The following SYNPO variants were observed in gnomAD, a reference collection of about 807,000 sequenced individuals.
SYNPO encodes the protein synaptopodin.
A neutral mutation model predicts 49.5 loss-of-function variants in SYNPO; 19 were observed. The ratio of observed to expected loss-of-function variants is 0.38; its 90% confidence interval spans 0.27 to 0.56. The LOEUF is 0.56. SYNPO is among the 20% of genes least tolerant of loss of function. The probability of loss-of-function intolerance (pLI) is 0.68; values close to 1 mark genes in which losing one functional copy is unlikely to be tolerated. For missense variants in SYNPO, 1,131 were observed against 1,248.3 expected (o/e 0.91, Z 1.42); for synonymous variants, 536 against 548.0 (o/e 0.98, Z 0.31).
chr5:150,631,140 C>A (rs1757522516), intron 2 of SYNPO, among the ~76,000 whole-genome samples: 2 of 152,214 alleles, frequency 1.3e-5, no homozygotes, highest in African/African-American at 4.8e-5. Context: ...TGCATTTGCT[C>A]TTTTACTTAG....
upstream of SYNPO, chr5:150,640,058 A>C (rs916936570): frequency 2.4e-6 from 2 of 841,892 alleles, no homozygotes; most frequent in African/African-American, 3.7e-5. Context: ...TCTAATATGG[A>C]GATGAGGATA....
chr5:150,606,145 C>T (rs556326217), intron 1 of SYNPO, among the ~76,000 whole-genome samples: 247 of 152,288 alleles, frequency 1.6e-3, no homozygotes, highest in African/African-American at 5.5e-3. Flanking sequence ...CACATACAAA[C>T]ATACACAATG....
the SYNPO span, among the ~76,000 whole-genome samples, chr5:150,589,535 C>T: frequency 6.6e-5 from 10 of 152,230 alleles, no homozygotes; most frequent in African/African-American, 2.4e-4. Flanking sequence ...CATATCCTCA[C>T]GCATTCACCT....
chr5:150,598,978 C>T (rs767547240), upstream of SYNPO, among the ~76,000 whole-genome samples: 11 of 152,148 alleles, frequency 7.2e-5, no homozygotes, highest in South Asian at 2.1e-4. Context: ...GACCTGCTGT[C>T]GGTTTATTGC....
Position 150,657,432 on chromosome 5 carries a change from T to TCTCACA in SYNPO, c.*346_*347insTCACAC, listed in dbSNP as rs1298503590. On this transcript the variant is annotated 3_prime_UTR_variant, in exon 3 of 3. Coordinates refer to ENST00000307662, the MANE Select transcript of SYNPO (RefSeq NM_007286.6). ...CTCTCTCTTTCTCTCTCTCTCTCTC[T>TCTCACA]CACACACACACACACACACACACAC... is the stretch of plus-strand genomic sequence containing the variant. The TCTCACA allele has an allele frequency of 2.4e-4, 34 of 139,744 alleles. No homozygotes were observed. The highest frequency in any genetic ancestry group is 3.3e-4 in the Non-Finnish European group (22 of 66,578). 8.7% of individuals were successfully genotyped at this position (139,744 alleles called of 1,614,324 possible).
At chr5:150,591,517 A>G in the SYNPO span, among the ~76,000 whole-genome samples, 3 of 152,236 alleles carry the variant, frequency 2.0e-5, no homozygotes, top group African/African-American at 7.2e-5. Context: ...GCCGTCTCAG[A>G]TAGCCCCAAG....
chr5:150,603,906 A>G (rs144732324), intron 1 of SYNPO, among the ~76,000 whole-genome samples: 1,639 of 152,288 alleles, frequency 0.011, 27 homozygotes, highest in African/African-American at 0.037. Flanking sequence ...TATTTCCAGG[A>G]GACTCTTGTT....
Position 150,656,881 on chromosome 5 carries a change from A to G in SYNPO, c.2506A>G (p.Thr836Ala). 2 of 1,575,444 alleles carry G rather than the reference A, an allele frequency of 1.3e-6. No homozygotes were observed. The highest frequency in any genetic ancestry group is 8.6e-7 in the Non-Finnish European group (1 of 1,162,500). ...SPLPAGPSSC[T>A]SPRSPLPAPP... is the part of the protein sequence containing the mutation. ...GTTGCCCGCCGGTCCTTCGTCCTGC[A>G]CCAGTCCCCGGAGCCCGCTGCCCGC... Residue 836 changes from threonine (T) to alanine (A), a missense_variant, in exon 3 of 3, where the codon ACC (threonine) becomes GCC (alanine). By Grantham distance (58) the Thr-to-Ala change is moderately conservative. This residue lies in a region of SYNPO where 509 missense variants were observed against 484.5 expected (regional missense o/e 1.05). Coordinates refer to ENST00000307662, the MANE Select transcript of SYNPO (RefSeq NM_007286.6).
intron 2 of SYNPO, among the ~76,000 whole-genome samples, chr5:150,627,995 TAGTC>T (rs1205902651): frequency 6.6e-6 from 1 of 150,992 alleles, no homozygotes; most frequent in Non-Finnish European, 1.5e-5. Flanking sequence ...TCTGCTAAGT[TAGTC>T]GTGTGTGTGT....
chr5:150,651,757 ATG>A (rs1388948995), intron 2 of SYNPO: 2 of 1,000,442 alleles, frequency 2.0e-6, no homozygotes, highest in Non-Finnish European at 2.4e-6. Flanking sequence ...GACCAACTGC[ATG>A]TGTGTCTGTA....
rs957243781 is a variant in SYNPO at position 150,610,489 on chromosome 5, C to T, written c.-265-7614C>T. 2.0e-5 allele frequency among the ~76,000 whole-genome samples: 3 copies of T among 152,182 alleles called. No homozygotes were observed. The East Asian group carries it at 5.8e-4, about 29-fold the overall frequency. On this transcript the variant is annotated intron_variant, in intron 1 of 2. Coordinates refer to the SYNPO transcript ENST00000394243. Reference sequence around the variant, plus strand: ...CCTCAATCTGTTAACTGAGGGATAACAGTAGGTGCCTGCCTCATAATGTTA... The same window carrying T: ...CCTCAATCTGTTAACTGAGGGATAATAGTAGGTGCCTGCCTCATAATGTTA...
In SYNPO at chr5:150,649,000, C is replaced by T; in HGVS notation, c.725C>T (p.Pro242Leu). The change falls in exon 2 of 3, where the codon CCT (proline) becomes CTT (leucine). Residue 242 changes from proline to leucine, a missense_variant. Pro to Leu is a moderately conservative substitution (Grantham distance 98, BLOSUM62 -3). Around this residue, in one of 4 missense-constraint regions of SYNPO, gnomAD observed 602 missense variants for 720.7 expected, o/e 0.84. Coordinates refer to ENST00000307662, the MANE Select transcript of SYNPO (RefSeq NM_007286.6). The surrounding 1 kb of genome is among the most constrained non-coding windows in gnomAD (Gnocchi z 5.0). ...PPSVVNRTAR[P>L]FGIQAPGGTS... is the part of the protein sequence containing the mutation. ...TCAGTGGTCAACAGGACGGCCAGGC[C>T]TTTTGGGATCCAGGCGCCAGGGGGC... is the stretch of plus-strand genomic sequence containing the variant. 6.2e-7 allele frequency: 1 copy of T among 1,614,252 alleles called. No homozygotes were observed. Among genetic ancestry groups the T allele is most frequent in the Non-Finnish European group, 8.5e-7 (1 of 1,180,032 alleles).
chr5:150,655,716 G>A (rs938699406), intron 2 of SYNPO, among the ~76,000 whole-genome samples: 2 of 152,162 alleles, frequency 1.3e-5, no homozygotes, highest in African/African-American at 4.8e-5. Context: ...GCGGTGGCAC[G>A]ATGTCGGCTC....
At position 150,618,431 on chromosome 5, in the gene SYNPO, G is replaced by A. The variant is rs868149372; in HGVS notation, c.64G>A (p.Ala22Thr). 3.6e-5 allele frequency: 56 copies of A among 1,551,478 alleles called. No homozygotes were observed. The Middle Eastern group carries it at 1.8e-3, about 51-fold the overall frequency. Residue 22 changes from alanine (A) to threonine (T), a missense_variant, in exon 2 of 3, where the codon GCC becomes ACC. Physicochemically the swap from Ala to Thr is moderately conservative, Grantham distance 58. Transcript: ENST00000394243. ...CAGCGAAGGGAGGCCTACCCCCTGC[G>A]CCTTCCAGATCCCTGATGGAAGCTA... is the stretch of plus-strand genomic sequence containing the variant.
chr5:150,630,106 A>G (rs1487597490), intron 2 of SYNPO, among the ~76,000 whole-genome samples: 2 of 152,116 alleles, frequency 1.3e-5, no homozygotes. Context: ...AACCAGCTCA[A>G]CCTTTCTATT....
rs574812490 is a variant in SYNPO, at chr5:150,624,291, G to A, written c.400+5524G>A. ...CGGGGAAGATGGGCCTGAGCACCCAGGTCTGAAAGGAGAGCCAGGAAGAGG... is the reference window on the plus strand; with the variant it reads ...CGGGGAAGATGGGCCTGAGCACCCAAGTCTGAAAGGAGAGCCAGGAAGAGG... On this transcript the variant is annotated intron_variant, in intron 2 of 2. Transcript: ENST00000394243. Among the ~76,000 whole-genome samples the A allele has an allele frequency of 2.0e-5, 3 of 152,318 alleles. No homozygotes were observed. In the South Asian group the frequency reaches 6.2e-4, roughly 32 times the overall value.
chr5:150,634,972 C>G (rs1182519450), intron 2 of SYNPO, among the ~76,000 whole-genome samples: 1 of 152,194 alleles, frequency 6.6e-6, no homozygotes, highest in East Asian at 1.9e-4. Flanking sequence ...GAGACTATGA[C>G]TGAGATGCAG....
At chr5:150,602,832 C>T (rs1050683860) in intron 1 of SYNPO, among the ~76,000 whole-genome samples, 4 of 152,116 alleles carry the variant, frequency 2.6e-5, no homozygotes, top group Admixed American at 2.0e-4. Context: ...TGAGCCACCA[C>T]GTGTAGCCGC....
intron 2 of SYNPO, among the ~76,000 whole-genome samples, chr5:150,620,941 C>CTTTCTTTCT (rs1554108209): frequency 5.0e-4 from 52 of 103,106 alleles, no homozygotes; most frequent in Middle Eastern, 4.8e-3. Context: ...TTCTTTCTTT[C>CTTTCTTTCT]TTTCTTTTCT....
Sources: gnomAD v4.1 joint callset for allele counts (sites outside exome capture counted in the v4.1 genomes callset) on GRCh38, gnomAD v4.1.1 for gene constraint, gnomAD v4.1.1 regional missense constraint, Gnocchi (gnomAD v3.1) non-coding constraint, MANE v1.5 for transcripts, NCBI Gene and HGNC (gene_info 2026-07-23, HGNC 2026-07-21) for gene names.